RSPH1: variants seen among roughly 807,000 people sequenced by gnomAD.
RSPH1 encodes the protein radial spoke head component 1.
In RSPH1, 32 loss-of-function variants were observed where a neutral mutation model predicts 44.2. That is an observed-to-expected ratio of 0.72 (90% CI 0.55 to 0.97). The LOEUF (loss-of-function observed/expected upper bound fraction) is 0.97. Among genes scored for constraint, RSPH1 ranks in the 50% least tolerant of loss-of-function variants. RSPH1 has a pLI of 0.00. For synonymous variants in RSPH1, 134 were observed against 147.3 expected (o/e 0.91, Z 0.65); for missense variants, 391 against 398.7 (o/e 0.98, Z 0.16).
At chr21:42,489,734 C>T (rs532202639) in intron 3 of RSPH1, among the ~76,000 whole-genome samples, 2 of 152,264 alleles carry the variant, frequency 1.3e-5, no homozygotes, top group South Asian at 2.1e-4. Flanking sequence ...AGATGCAGAA[C>T]CTGAAAAGCA....
intron 8 of RSPH1, 110 bp from the exon 9 acceptor site, chr21:42,472,980 G>T: frequency 1.4e-6 from 1 of 692,796 alleles, no homozygotes; most frequent in Non-Finnish European, 2.4e-6. Flanking sequence ...TAACTATTAA[G>T]CATTCATCAG....
chr21:42,495,293 G>A (rs780343748), intron 1 of RSPH1, among the ~76,000 whole-genome samples: 2 of 152,252 alleles, frequency 1.3e-5, no homozygotes, highest in Non-Finnish European at 2.9e-5. Flanking sequence ...GAAGCTGGGA[G>A]ATGAGTGCCC....
At chr21:42,496,071 A>G (rs1488814007) in intron 1 of RSPH1, 62 bp downstream of exon 1, 18 of 1,596,854 alleles carry the variant, frequency 1.1e-5, no homozygotes, top group African/African-American at 4.0e-5. Flanking sequence ...CTCCAAACCC[A>G]ACCTCGAGGT....
At chr21:42,490,871 G>T (rs1429368987) in intron 3 of RSPH1, among the ~76,000 whole-genome samples, 1 of 151,626 alleles carries the variant, frequency 6.6e-6, no homozygotes, top group Non-Finnish European at 1.5e-5. Flanking sequence ...TTTTGGTAAA[G>T]AAGAAGGAAG....
intron 3 of RSPH1, among the ~76,000 whole-genome samples, chr21:42,491,335 C>T (rs1453425215): frequency 6.6e-6 from 1 of 152,136 alleles, no homozygotes. Context: ...AGTTGGTGTT[C>T]ACAGAAGACT....
At position 42,486,474 on chromosome 21, in the gene RSPH1, A is replaced by C; in HGVS notation, c.275-13T>G. 1 of 1,600,390 alleles carries C rather than the reference A, an allele frequency of 6.2e-7. No homozygotes were observed. The highest frequency in any genetic ancestry group is 2.2e-5 in the East Asian group (1 of 44,844). Reference sequence around the variant, plus strand: ...TTTGCCCACTCTCCTGAAAGGAACAACACAAAGGCAAGCCCAGGTGAGAAG... The same window carrying C: ...TTTGCCCACTCTCCTGAAAGGAACACCACAAAGGCAAGCCCAGGTGAGAAG... On this transcript the variant is annotated splice_polypyrimidine_tract_variant and intron_variant, in intron 3 of 8. Transcript: ENST00000291536.
chr21:42,486,358 A>G lies in RSPH1; in HGVS notation c.365+13T>C, dbSNP rs181902996. ...TAAGCAAATCCCGTTAAGACCCAAG[A>G]TAGAAACCGAACCTTTGATGAGCAA... On this transcript the variant is annotated intron_variant, in intron 4 of 8. Transcript: ENST00000291536. 4.6e-3 allele frequency: 7,294 copies of G among 1,589,096 alleles called. 40 individuals are homozygous for G. The highest frequency in any genetic ancestry group is 5.0e-3 in the Non-Finnish European group (5,797 of 1,157,202).
At position 42,480,727 on chromosome 21, in the gene RSPH1, G is replaced by A. The variant is rs138559519; in HGVS notation, c.573+1910C>T. Among the ~76,000 whole-genome samples, 1,119 of 151,932 alleles carry A rather than the reference G, an allele frequency of 7.4e-3. 5 individuals carry two copies. The highest frequency in any genetic ancestry group is 0.012 in the Non-Finnish European group (816 of 67,950). ...AAATTAGTGATGAGTTTAGACTTAG[G>A]ATTCAAGGCCAGGGCCCTTGGGGTG... On this transcript the variant is annotated intron_variant, in intron 6 of 8. Coordinates refer to ENST00000291536, the MANE Select transcript of RSPH1 (RefSeq NM_080860.4).
chr21:42,486,145 C>T, intron 4 of RSPH1: 1 of 577,262 alleles, frequency 1.7e-6, no homozygotes, highest in Non-Finnish European at 3.1e-6. Context: ...GGGTGAAAGA[C>T]TCACGTGCTC....
intron 1 of RSPH1, among the ~76,000 whole-genome samples, chr21:42,493,909 C>T (rs1293088276): frequency 6.6e-6 from 1 of 152,176 alleles, no homozygotes; most frequent in Admixed American, 6.5e-5. Context: ...CGCCACCATT[C>T]CCAGCTAATT....
intron 1 of RSPH1, among the ~76,000 whole-genome samples, chr21:42,495,351 G>C (rs2146667909): frequency 6.6e-6 from 1 of 152,338 alleles, no homozygotes; most frequent in East Asian, 1.9e-4. Flanking sequence ...CCACTGCAGA[G>C]TCGCTAGATT....
chr21:42,481,421 A>T (rs2054127024), intron 6 of RSPH1, among the ~76,000 whole-genome samples: 1 of 152,160 alleles, frequency 6.6e-6, no homozygotes, highest in Non-Finnish European at 1.5e-5. Flanking sequence ...GAATTCCTTT[A>T]TAGCAGCACA....
chr21:42,490,058 A>T (rs376707700), intron 3 of RSPH1, among the ~76,000 whole-genome samples: 1 of 151,424 alleles, frequency 6.6e-6, no homozygotes, highest in Non-Finnish European at 1.5e-5. Flanking sequence ...TTGGCCCTAC[A>T]CCCCCAACCC....
chr21:42,477,804 T>C (rs2054084657), intron 6 of RSPH1, among the ~76,000 whole-genome samples: 1 of 152,268 alleles, frequency 6.6e-6, no homozygotes, highest in Admixed American at 6.5e-5. Flanking sequence ...GTAAGTGGTC[T>C]TTTCAATTGT....
chr21:42,479,049 C>T (rs1191590988), intron 6 of RSPH1, among the ~76,000 whole-genome samples: 1 of 152,202 alleles, frequency 6.6e-6, no homozygotes, highest in Non-Finnish European at 1.5e-5. Flanking sequence ...GCATCATTCT[C>T]ACAGCTGCAC....
intron 5 of RSPH1, chr21:42,485,417 G>A (rs2054169584): frequency 3.8e-6 from 2 of 528,816 alleles, no homozygotes; most frequent in East Asian, 3.3e-5. Flanking sequence ...AATGCAACAG[G>A]TCCCCGCTGA....
At position 42,482,676 on chromosome 21, in the gene RSPH1, A is replaced by C; in HGVS notation, c.534T>G (p.Val178=). 6.2e-7 allele frequency: 1 copy of C among 1,613,744 alleles called. No homozygotes were observed. Among genetic ancestry groups the C allele is most frequent in the Non-Finnish European group, 8.5e-7 (1 of 1,179,818 alleles). Residue 178 remains valine, a synonymous_variant, in exon 6 of 9, where the codon GTT becomes GTG. Transcript: ENST00000291536. ...PVGPGKYVFD[V]GCEQHGEYRL... ...GATATTCACCATGTTGTTCACACCCAACATCAAATACATACTTTCCAGGGC... is the reference window on the plus strand; with the variant it reads ...GATATTCACCATGTTGTTCACACCCCACATCAAATACATACTTTCCAGGGC...
At chr21:42,487,619 T>C (rs2054193012) in intron 3 of RSPH1, among the ~76,000 whole-genome samples, 1 of 152,252 alleles carries the variant, frequency 6.6e-6, no homozygotes, top group Non-Finnish European at 1.5e-5. Flanking sequence ...TTTTAACTTA[T>C]TTTGATTTAT....
At chr21:42,493,752 G>A (rs1462974623) in intron 1 of RSPH1, among the ~76,000 whole-genome samples, 3 of 152,232 alleles carry the variant, frequency 2.0e-5, no homozygotes, top group Middle Eastern at 3.4e-3. Flanking sequence ...ATCTATCTGT[G>A]GTTTGTTTTT....
Sources: gnomAD v4.1 joint callset for allele counts (sites outside exome capture counted in the v4.1 genomes callset) on GRCh38, gnomAD v4.1.1 for gene constraint, MANE v1.5 for transcripts, NCBI Gene and HGNC (gene_info 2026-07-23, HGNC 2026-07-21) for gene names.